Variants in NOSTRIN observed in about 807,000 individuals in gnomAD.
The protein encoded by NOSTRIN is BM247 homolog.
In NOSTRIN, 63 loss-of-function variants were observed where a neutral mutation model predicts 59.0. The observed-to-expected ratio is 1.07, with a 90% CI of 0.87 to 1.32. The LOEUF is 1.32. Ranked by LOEUF, NOSTRIN falls within the 40% of genes most tolerant of loss-of-function variation. The pLI is 0.00. For missense variants in NOSTRIN, 512 were observed against 473.1 expected (o/e 1.08, Z -0.76); for synonymous variants, 200 against 165.4 (o/e 1.21, Z -1.61).
At chr2:168,821,445 CATTT>C (rs1457554682) in intron 2 of NOSTRIN, among the ~76,000 whole-genome samples, 1 of 152,238 alleles carries the variant, frequency 6.6e-6, no homozygotes, top group Non-Finnish European at 1.5e-5. Context: ...TTCATTCATT[CATTT>C]GTGACATACA....
At chr2:168,825,818 G>C (rs979880903) in intron 3 of NOSTRIN, among the ~76,000 whole-genome samples, 11 of 152,052 alleles carry the variant, frequency 7.2e-5, no homozygotes, top group Non-Finnish European at 1.3e-4. Flanking sequence ...GATAAGAAGG[G>C]GAAAGGAAAA....
rs960653550 is a variant in NOSTRIN at position 168,865,094 on chromosome 2, T to C, written c.*124T>C. 6 of 993,376 alleles carry C rather than the reference T, an allele frequency of 6.0e-6. No homozygotes were observed. Among genetic ancestry groups the C allele is most frequent in the Non-Finnish European group, 8.8e-6 (6 of 679,342 alleles). 61.5% of individuals were successfully genotyped at this position (993,376 alleles called of 1,614,324 possible). On this transcript the variant is annotated 3_prime_UTR_variant, in exon 16 of 16. Coordinates refer to ENST00000317647, the MANE Select transcript of NOSTRIN (RefSeq NM_001039724.4). ...TGAAATGGATGGAGTTCTACCTGCA[T>C]GTCACAGCACTTTGCATTCATGATT...
chr2:168,833,532 T>C (rs192217287), intron 6 of NOSTRIN, among the ~76,000 whole-genome samples: 36 of 152,344 alleles, frequency 2.4e-4, no homozygotes, highest in African/African-American at 8.7e-4. Flanking sequence ...AACCAAATTC[T>C]GTTTGCATAA....
chr2:168,791,919 C>G (rs2105498364), intron 2 of NOSTRIN, among the ~76,000 whole-genome samples: 1 of 152,254 alleles, frequency 6.6e-6, no homozygotes, highest in East Asian at 1.9e-4. Flanking sequence ...AAAATTTTCT[C>G]CCATTGTGTA....
rs756381301 is a variant in NOSTRIN, at chr2:168,834,507, G to GCGCGCGCGCACACA, written c.504+183_504+184insGCGCGCGCACACAC. Reference sequence around the variant, plus strand: ...TACTGGCGTGCGCGCGCGCGCGCGCGCACACACACACACACACACACACAC... The same window carrying GCGCGCGCGCACACA: ...TACTGGCGTGCGCGCGCGCGCGCGCGCGCGCGCGCACACACACACACACACACACACACACACAC... On this transcript the variant is annotated intron_variant, in intron 7 of 15. Coordinates refer to ENST00000317647, the MANE Select transcript of NOSTRIN (RefSeq NM_001039724.4). 4.0e-4 allele frequency among the ~76,000 whole-genome samples: 50 copies of GCGCGCGCGCACACA among 125,424 alleles called. 1 individual carries two copies. The highest frequency in any genetic ancestry group is 1.2e-3 in the East Asian group (5 of 4,204). The allele number at this position is 125,424 out of a possible 152,430, so 82.3% of individuals were successfully genotyped here.
At chr2:168,795,385 T>C (rs888769042), upstream of NOSTRIN, among the ~76,000 whole-genome samples, 1 of 152,236 alleles carries the variant, frequency 6.6e-6, no homozygotes, top group African/African-American at 2.4e-5. Flanking sequence ...AAATCTGCAT[T>C]TGTAAAATGT....
At chr2:168,850,762 GAATTCTCT>G in intron 8 of NOSTRIN, 1 of 353,790 alleles carries the variant, frequency 2.8e-6, no homozygotes, top group Non-Finnish European at 5.0e-6. Flanking sequence ...AAATTCTCTG[GAATTCTCT>G]GGAATCCATG....
At chr2:168,824,222 A>C (rs1686926104) in intron 2 of NOSTRIN, among the ~76,000 whole-genome samples, 1 of 152,194 alleles carries the variant, frequency 6.6e-6, no homozygotes, top group African/African-American at 2.4e-5. Flanking sequence ...TTTCAGCCTG[A>C]TCTCTCCTTC....
At chr2:168,862,477 C>T (rs1485741891) in intron 15 of NOSTRIN, among the ~76,000 whole-genome samples, 1 of 152,132 alleles carries the variant, frequency 6.6e-6, no homozygotes, top group Non-Finnish European at 1.5e-5. Context: ...AGAGATGTAC[C>T]CCACCTTTTT....
Position 168,864,887 on chromosome 2 carries a change from T to G in NOSTRIN, c.1438T>G (p.Leu480Val), listed in dbSNP as rs1559148825. ...KKEGGWWFGSLNGKKGHFPAA... is the reference protein window; with the variant it reads ...KKEGGWWFGSVNGKKGHFPAA... ...AGAAGGAGGATGGTGGTTTGGATCT[T>G]TGAATGGGAAAAAAGGCCATTTTCC... The change falls in exon 16 of 16, where the codon TTG (leucine) becomes GTG (valine). Residue 480 changes from leucine (L) to valine (V), a missense_variant. Coordinates refer to ENST00000317647, the MANE Select transcript of NOSTRIN (RefSeq NM_001039724.4). The G allele has an allele frequency of 4.3e-6, 7 of 1,614,050 alleles. No individual in the cohort carries two copies. Among genetic ancestry groups the G allele is most frequent in the Non-Finnish European group, 5.9e-6 (7 of 1,179,982 alleles).
intron 1 of NOSTRIN, among the ~76,000 whole-genome samples, chr2:168,806,397 T>A (rs1221303089): frequency 6.6e-6 from 1 of 152,210 alleles, no homozygotes; most frequent in African/African-American, 2.4e-5. Flanking sequence ...ATAGGCACTT[T>A]ATAATCTTTA....
chr2:168,840,447 G>A (rs1454997820), intron 7 of NOSTRIN, among the ~76,000 whole-genome samples: 4 of 150,358 alleles, frequency 2.7e-5, no homozygotes, highest in African/African-American at 9.8e-5. Context: ...GGAGAATGGC[G>A]TGAACCCCGG....
At chr2:168,790,939 A>G (rs890957371) in intron 2 of NOSTRIN, among the ~76,000 whole-genome samples, 19 of 152,324 alleles carry the variant, frequency 1.2e-4, no homozygotes, top group South Asian at 2.1e-4. Flanking sequence ...CGAACTTGCA[A>G]TTTGTTTGTA....
At chr2:168,827,913 T>C (rs920970811) in intron 3 of NOSTRIN, among the ~76,000 whole-genome samples, 1 of 151,752 alleles carries the variant, frequency 6.6e-6, no homozygotes, top group African/African-American at 2.4e-5. Flanking sequence ...TTTATACAGA[T>C]ATGAAATAGG....
chr2:168,798,980 C>A (rs1477728706), upstream of NOSTRIN, among the ~76,000 whole-genome samples: 1 of 152,154 alleles, frequency 6.6e-6, no homozygotes, highest in East Asian at 1.9e-4. Flanking sequence ...CACCTAGAAG[C>A]AATCATGTAA....
chr2:168,804,162 C>T (rs1451066144), intron 1 of NOSTRIN, among the ~76,000 whole-genome samples: 1 of 152,194 alleles, frequency 6.6e-6, no homozygotes, highest in Non-Finnish European at 1.5e-5. Context: ...ACAGCAAAGT[C>T]AAGTCTTCAG....
chr2:168,863,251 G>A (rs1689587633), intron 15 of NOSTRIN: 1 of 255,492 alleles, frequency 3.9e-6, no homozygotes, highest in Non-Finnish European at 6.1e-6. Flanking sequence ...CTTGTTAATA[G>A]ATTATGTCAA....
chr2:168,821,759 C>G (rs1031495570), intron 2 of NOSTRIN, among the ~76,000 whole-genome samples: 2 of 152,182 alleles, frequency 1.3e-5, no homozygotes, highest in African/African-American at 4.8e-5. Context: ...TCGGCAGAGG[C>G]CACAGCAAGT....
At chr2:168,814,910 A>G (rs1444431890) in intron 2 of NOSTRIN, among the ~76,000 whole-genome samples, 1 of 152,244 alleles carries the variant, frequency 6.6e-6, no homozygotes, top group African/African-American at 2.4e-5. Flanking sequence ...ATTTTCATAA[A>G]CAAATTTTTT....
Sources: allele counts gnomAD v4.1 joint callset (sites outside exome capture counted in the v4.1 genomes callset), GRCh38; gene constraint gnomAD v4.1.1; transcripts MANE v1.5; gene names NCBI Gene and HGNC (gene_info 2026-07-23, HGNC 2026-07-21).